Variants in DNAI7 observed in about 807,000 individuals in gnomAD.
DNAI7 encodes cancer susceptibility 1.
In DNAI7, 78 loss-of-function variants were observed where a neutral mutation model predicts 86.6. That is an observed-to-expected ratio of 0.90 (90% CI 0.75 to 1.09). DNAI7 has a LOEUF of 1.09. Ranked by LOEUF, DNAI7 falls within the 50% of genes least tolerant of loss-of-function variation. DNAI7 has a pLI of 0.00. For missense variants in DNAI7, 753 were observed against 810.2 expected (o/e 0.93, Z 0.86); for synonymous variants, 274 against 273.0 (o/e 1.00, Z -0.04).
chr12:25,174,016 T>A (rs1015558059), intron 2 of DNAI7, among the ~76,000 whole-genome samples: 2 of 148,626 alleles, frequency 1.3e-5, no homozygotes, highest in South Asian at 4.2e-4. Context: ...ATACATGGAA[T>A]ACATATCTCA....
At chr12:25,135,078 G>A (rs542411324) in intron 9 of DNAI7, among the ~76,000 whole-genome samples, 8 of 152,184 alleles carry the variant, frequency 5.3e-5, no homozygotes, top group Non-Finnish European at 1.0e-4. Flanking sequence ...CCAGGAAAAC[G>A]GAAATAATTC....
intron 2 of DNAI7, among the ~76,000 whole-genome samples, chr12:25,179,914 T>G (rs1024965566): frequency 3.9e-5 from 6 of 152,152 alleles, no homozygotes; most frequent in Non-Finnish European, 7.4e-5. Flanking sequence ...ATCATTCCTA[T>G]TCAATAGTAC....
At chr12:25,115,132 T>C (rs1248640031) in intron 12 of DNAI7, among the ~76,000 whole-genome samples, 1 of 152,110 alleles carries the variant, frequency 6.6e-6, no homozygotes, top group Non-Finnish European at 1.5e-5. Flanking sequence ...AGGGAAAAAG[T>C]TTTTCTCTTT....
intron 2 of DNAI7, among the ~76,000 whole-genome samples, chr12:25,170,618 G>T (rs926944777): frequency 2.0e-5 from 3 of 152,016 alleles, no homozygotes; most frequent in African/African-American, 7.2e-5. Context: ...CTATACCTTG[G>T]AAGAAATGGA....
At chr12:25,167,385 T>C (rs1157309520) in intron 2 of DNAI7, among the ~76,000 whole-genome samples, 1 of 152,152 alleles carries the variant, frequency 6.6e-6, no homozygotes, top group African/African-American at 2.4e-5. Flanking sequence ...TTAGAGTGGA[T>C]AGATGATCTC....
rs1312119847 is a variant in DNAI7, at chr12:25,114,776, G to T, written c.1491C>A (p.Thr497=). The T allele has an allele frequency of 6.2e-6, 10 of 1,613,964 alleles. No homozygotes were observed. The South Asian group carries it at 1.1e-4, about 18-fold the overall frequency. Residue 497 remains threonine (T), a synonymous_variant, in exon 13 of 16, where the codon ACC becomes ACA. Transcript: ENST00000395987. ...TGTTAATATGAGCATCTTGAATCAA[G>T]GTAACAGGGCCAAAGGTGTCCAGGC... The part of the protein sequence containing the change: ...TFSLDTFGPV[T]LIQDAHINMP...
At chr12:25,140,218 C>T (rs780445649) in intron 9 of DNAI7, among the ~76,000 whole-genome samples, 13 of 150,408 alleles carry the variant, frequency 8.6e-5, no homozygotes, top group South Asian at 2.1e-4. Flanking sequence ...GATAAAAAAA[C>T]GAAGGGCATC....
At chr12:25,179,468 ATTGTGGATGTGTCTAT>A (rs1949293017) in intron 2 of DNAI7, among the ~76,000 whole-genome samples, 1 of 152,080 alleles carries the variant, frequency 6.6e-6, no homozygotes, top group Non-Finnish European at 1.5e-5. Context: ...TTCCACTATG[ATTGTGGATGTGTCTAT>A]TTGTGGATGT....
At chr12:25,156,129 C>T (rs899139385) in intron 4 of DNAI7, among the ~76,000 whole-genome samples, 7 of 152,032 alleles carry the variant, frequency 4.6e-5, no homozygotes, top group Non-Finnish European at 8.8e-5. Flanking sequence ...AAAAGAATGC[C>T]CTGATGAAGA....
chr12:25,167,401 G>T (rs934122037), intron 2 of DNAI7, among the ~76,000 whole-genome samples: 1 of 152,092 alleles, frequency 6.6e-6, no homozygotes, highest in Non-Finnish European at 1.5e-5. Context: ...ATCTCTGCTG[G>T]CAGGGGACCC....
chr12:25,160,269 AT>A (rs1457666846), intron 3 of DNAI7, among the ~76,000 whole-genome samples: 1 of 152,244 alleles, frequency 6.6e-6, no homozygotes, highest in African/African-American at 2.4e-5. Context: ...TTGAATTTGA[AT>A]TTTAGATGAA....
chr12:25,122,003 G>C, intron 10 of DNAI7, 90 bp from the exon 11 acceptor site: 1 of 892,948 alleles, frequency 1.1e-6, no homozygotes, highest in Non-Finnish European at 1.7e-6. Context: ...ACTGGTAAAG[G>C]AAGTTTCTAT....
chr12:25,155,470 A>C, intron 4 of DNAI7, 58 bp from the exon 5 acceptor site: 1 of 904,854 alleles, frequency 1.1e-6, no homozygotes, highest in Non-Finnish European at 1.7e-6. Context: ...TATGTTTCAC[A>C]AGTAGCATCT....
downstream of DNAI7, chr12:25,107,742 T>G (rs1949299833): frequency 1.4e-6 from 2 of 1,408,484 alleles, no homozygotes; most frequent in Non-Finnish European, 2.0e-6. Context: ...ATCACCTGAC[T>G]GGTGGTGTTA....
intron 2 of DNAI7, among the ~76,000 whole-genome samples, chr12:25,170,650 A>G (rs1948040651): frequency 6.6e-6 from 1 of 152,222 alleles, no homozygotes; most frequent in Non-Finnish European, 1.5e-5. Flanking sequence ...TATACAGAAC[A>G]TTCCATCCAA....
chr12:25,140,693 T>A (rs1944077861), intron 9 of DNAI7, among the ~76,000 whole-genome samples: 1 of 91,738 alleles, frequency 1.1e-5, no homozygotes, highest in South Asian at 4.5e-4. Flanking sequence ...TCATTCTTCA[T>A]GGAACTAGAA....
At chr12:25,167,458 C>T (rs1054901340) in intron 2 of DNAI7, among the ~76,000 whole-genome samples, 1 of 152,128 alleles carries the variant, frequency 6.6e-6, no homozygotes, top group Non-Finnish European at 1.5e-5. Context: ...GTTTTATACT[C>T]ACTCTTATTA....
rs765591311 is a variant in DNAI7, at chr12:25,154,291, G to C, written c.438+28C>G. The stretch of plus-strand genomic sequence containing the variant: ...AATATCAGACTATTTGTAATAGCCA[G>C]TTTATAGGAAAATGCATAAATACCT... On this transcript the variant is annotated intron_variant, in intron 6 of 15. Coordinates refer to ENST00000395987, the MANE Select transcript of DNAI7 (RefSeq NM_018272.5). The C allele has an allele frequency of 1.2e-5, 18 of 1,563,658 alleles. No individual in the cohort carries two copies. The Middle Eastern group carries it at 1.9e-3, about 162-fold the overall frequency.
chr12:25,178,216 T>C (rs563487385), intron 2 of DNAI7, among the ~76,000 whole-genome samples: 1 of 152,332 alleles, frequency 6.6e-6, no homozygotes, highest in South Asian at 2.1e-4. Flanking sequence ...AACTAGCATA[T>C]AAAGACTTAT....
Sources: gnomAD v4.1 joint callset for allele counts (sites outside exome capture counted in the v4.1 genomes callset) on GRCh38, gnomAD v4.1.1 for gene constraint, MANE v1.5 for transcripts, NCBI Gene and HGNC (gene_info 2026-07-23, HGNC 2026-07-21) for gene names.